FREM1: variants seen among roughly 807,000 people sequenced by gnomAD.
The protein encoded by FREM1 is FRAS1-related extracellular matrix protein 1.
A neutral mutation model predicts 210.1 loss-of-function variants in FREM1; 220 were observed. The ratio of observed to expected loss-of-function variants is 1.05; its 90% confidence interval spans 0.94 to 1.17. The LOEUF is 1.17. FREM1 is among the 50% of genes most tolerant of loss of function. The probability of loss-of-function intolerance (pLI) is 0.00; values close to 1 mark genes in which losing one functional copy is unlikely to be tolerated. For missense variants in FREM1, 3,454 were observed against 2,675.5 expected, an observed-to-expected ratio of 1.29 and a Z score of -6.42; for synonymous variants, 1,189 against 980.2, an observed-to-expected ratio of 1.21 and a Z score of -3.98.
chr9:14,864,403 T>C lies in FREM1; in HGVS notation c.235-500A>G, dbSNP rs561710331. On this transcript the variant is annotated intron_variant, in intron 2 of 36. Transcript: ENST00000380880. The stretch of plus-strand genomic sequence containing the variant: ...CGAATAGTATTCTCATATTCAAAGA[T>C]GAAGCCACTGACTATGGACACTACT... Among the ~76,000 whole-genome samples the C allele has an allele frequency of 6.6e-5, 10 of 152,292 alleles. No homozygotes were observed. In the South Asian group the frequency reaches 2.1e-3, roughly 32 times the overall value.
chr9:14,869,196 C>A lies in FREM1; in HGVS notation c.-219G>T. 2.1e-6 allele frequency: 1 copy of A among 465,564 alleles called. No homozygotes were observed. Among genetic ancestry groups the A allele is most frequent in the Non-Finnish European group, 3.8e-6 (1 of 261,806 alleles). The allele number at this position is 465,564 out of a possible 1,614,324, so 28.8% of individuals were successfully genotyped here. A position where few individuals can be genotyped will look rare whatever the true frequency, so the allele number is the denominator to read the frequency against. On this transcript the variant is annotated 5_prime_UTR_variant, in exon 2 of 37. Coordinates refer to ENST00000380880, the MANE Select transcript of FREM1 (RefSeq NM_001379081.2). ...CTTTTAATAAAACTCGCTGATCACTCCTGACAACGCCGGCAAGATTAATGG... is the reference window on the plus strand; with the variant it reads ...CTTTTAATAAAACTCGCTGATCACTACTGACAACGCCGGCAAGATTAATGG...
chr9:14,749,702 A>G (rs1472489981), intron 30 of FREM1, among the ~76,000 whole-genome samples: 2 of 151,974 alleles, frequency 1.3e-5, no homozygotes, highest in Non-Finnish European at 2.9e-5. Flanking sequence ...TTTCACATCT[A>G]TTTTTCTCCA....
At chr9:14,812,726 A>T in intron 16 of FREM1, 86 bp downstream of exon 16, 2 of 1,356,070 alleles carry the variant, frequency 1.5e-6, no homozygotes, top group Non-Finnish European at 2.0e-6. Flanking sequence ...AACCATTCTG[A>T]CTGTTTGATT....
intron 1 of FREM1, among the ~76,000 whole-genome samples, chr9:14,886,384 CAAAAAAAA>C (rs60702421): frequency 1.0e-4 from 6 of 59,808 alleles, no homozygotes; most frequent in South Asian, 1.9e-3. Context: ...GACTCCGACT[CAAAAAAAA>C]AAAAAAAAAA....
At chr9:14,738,819 G>A (rs556257206) in intron 36 of FREM1, among the ~76,000 whole-genome samples, 1 of 152,014 alleles carries the variant, frequency 6.6e-6, no homozygotes, top group South Asian at 2.1e-4. Context: ...AGACCAGCCT[G>A]GCCAACATGG....
intron 1 of FREM1, among the ~76,000 whole-genome samples, chr9:14,886,168 C>T (rs75353878): frequency 0.051 from 7,771 of 152,088 alleles, 364 homozygotes; most frequent in East Asian, 0.13. Flanking sequence ...GGGCGGATCA[C>T]GAGGTCAAGA....
Position 14,748,458 on chromosome 9 carries a change from G to A in FREM1, c.5739C>T (p.Gly1913=), listed in dbSNP as rs1006558315. The change falls in exon 31 of 37, where the codon GGC becomes GGT. Residue 1913 remains glycine (G), a synonymous_variant. Transcript: ENST00000380880. The stretch of plus-strand genomic sequence containing the variant: ...TTTGAGAAAGATCTGTAGAATCAAA[G>A]CCCCGCAGGGTGTCTCCCCTGATGA... ...LAVIRGDTLR[G]FDSTDLSQRK... is the part of the protein sequence containing the mutation. 1.9e-6 allele frequency: 3 copies of A among 1,613,732 alleles called. No individual in the cohort carries two copies. The highest frequency in any genetic ancestry group is 2.5e-6 in the Non-Finnish European group (3 of 1,179,760).
At chr9:14,778,184 CA>C (rs1563905868) in intron 24 of FREM1, among the ~76,000 whole-genome samples, 1 of 152,074 alleles carries the variant, frequency 6.6e-6, no homozygotes, top group African/African-American at 2.4e-5. Context: ...TGAGCAAAAT[CA>C]CATAATTTTC....
At chr9:14,738,520 G>A (rs1259405307) in intron 36 of FREM1, among the ~76,000 whole-genome samples, 1 of 152,118 alleles carries the variant, frequency 6.6e-6, no homozygotes, top group East Asian at 1.9e-4. Context: ...TGGATGTAGA[G>A]AAAACTTATC....
intron 1 of FREM1, among the ~76,000 whole-genome samples, chr9:14,881,753 G>C (rs888239950): frequency 6.6e-6 from 1 of 152,128 alleles, no homozygotes. Flanking sequence ...CCAGAACAAA[G>C]ACTATATTTC....
At position 14,842,249 on chromosome 9, in the gene FREM1, G is replaced by C. The variant is rs1391995323; in HGVS notation, c.1738+67C>G. On this transcript the variant is annotated intron_variant, in intron 9 of 36. Coordinates refer to ENST00000380880, the MANE Select transcript of FREM1 (RefSeq NM_001379081.2). ...GACACAATTTCAGCAAACCCAGAAGGATGCATAGAAGGTTCTCTATGGAAG... is the reference window on the plus strand; with the variant it reads ...GACACAATTTCAGCAAACCCAGAAGCATGCATAGAAGGTTCTCTATGGAAG... The C allele has an allele frequency of 4.2e-6, 4 of 961,566 alleles. No individual in the cohort carries two copies. In the African/African-American group the frequency reaches 6.5e-5, roughly 16 times the overall value. 59.6% of individuals were successfully genotyped at this position (961,566 alleles called of 1,614,324 possible). A position where few individuals can be genotyped will look rare whatever the true frequency, so the allele number is the denominator to read the frequency against.
At chr9:14,846,896 T>C (rs547806357) in intron 7 of FREM1, among the ~76,000 whole-genome samples, 72 of 152,194 alleles carry the variant, frequency 4.7e-4, no homozygotes, top group African/African-American at 1.5e-3. Flanking sequence ...GTCTCCAAAA[T>C]TGTAAAGCCC....
At position 14,765,431 on chromosome 9, in the gene FREM1, A is replaced by T. The variant is rs536859563; in HGVS notation, c.5204+4293T>A. On this transcript the variant is annotated intron_variant, in intron 27 of 36. Coordinates refer to ENST00000380880, the MANE Select transcript of FREM1 (RefSeq NM_001379081.2). ...GGCCTCGGTTTTCATTATCTTAAAA[A>T]TGAGGAGAATTACACTCATGTAAAA... 1.6e-4 allele frequency among the ~76,000 whole-genome samples: 24 copies of T among 152,356 alleles called. 1 individual carries two copies. In the South Asian group the frequency reaches 5.0e-3, roughly 32 times the overall value.
chr9:14,842,706 G>A lies in FREM1; in HGVS notation c.1394-46C>T. ...GGAGCAGATTGAGCAAGGGAGTGCAGAAGCAGCAGCTGTGGGGAAAGCATC... is the reference window on the plus strand; with the variant it reads ...GGAGCAGATTGAGCAAGGGAGTGCAAAAGCAGCAGCTGTGGGGAAAGCATC... On this transcript the variant is annotated intron_variant, in intron 8 of 36. Coordinates refer to ENST00000380880, the MANE Select transcript of FREM1 (RefSeq NM_001379081.2). 2.2e-6 allele frequency: 3 copies of A among 1,394,852 alleles called. No homozygotes were observed. In the South Asian group the frequency reaches 3.6e-5, roughly 17 times the overall value. The allele number at this position is 1,394,852 out of a possible 1,614,324, so 86.4% of individuals were successfully genotyped here. A position where few individuals can be genotyped will look rare whatever the true frequency, so the allele number is the denominator to read the frequency against.
chr9:14,815,047 A>T (rs537954744), intron 15 of FREM1, among the ~76,000 whole-genome samples: 2 of 152,374 alleles, frequency 1.3e-5, no homozygotes, highest in East Asian at 3.9e-4. Flanking sequence ...CTGCAATAAC[A>T]TACTGCTCTT....
chr9:14,886,844 T>C (rs1197522428), intron 1 of FREM1, among the ~76,000 whole-genome samples: 1 of 136,930 alleles, frequency 7.3e-6, no homozygotes, highest in Non-Finnish European at 1.5e-5. Flanking sequence ...TTGCACAGAG[T>C]GACACTGCAG....
At chr9:14,829,744 A>G (rs992592157) in intron 10 of FREM1, among the ~76,000 whole-genome samples, 2 of 152,236 alleles carry the variant, frequency 1.3e-5, no homozygotes, top group African/African-American at 4.8e-5. Context: ...ACTCTGTTGT[A>G]GCAGTACAAA....
rs1328072210 is a variant in FREM1 at position 14,819,369 on chromosome 9, T to A, written c.2411A>T (p.Asp804Val). 2 of 1,613,724 alleles carry A rather than the reference T, an allele frequency of 1.2e-6. No homozygotes were observed. The highest frequency in any genetic ancestry group is 2.2e-5 in the East Asian group (1 of 44,876). ...AATATTGTCCAGCTTGGTATCTGCATCAGAAATTAGAATGTGCTCTGTGCT... is the reference window on the plus strand; with the variant it reads ...AATATTGTCCAGCTTGGTATCTGCAACAGAAATTAGAATGTGCTCTGTGCT... Reference protein sequence around the residue: ...IISTEHILISDADTKLDNIDL... With the variant: ...IISTEHILISVADTKLDNIDL... Residue 804 changes from aspartate to valine, a missense_variant, in exon 14 of 37, where the codon GAT (aspartate) becomes GTT (valine). Coordinates refer to ENST00000380880, the MANE Select transcript of FREM1 (RefSeq NM_001379081.2).
chr9:14,744,536 T>G (rs189583372), intron 35 of FREM1, among the ~76,000 whole-genome samples: 45 of 152,224 alleles, frequency 3.0e-4, no homozygotes, highest in African/African-American at 9.9e-4. Flanking sequence ...TGTTCCATTT[T>G]TGATTTATCT....
Sources: allele counts gnomAD v4.1 joint callset (sites outside exome capture counted in the v4.1 genomes callset), GRCh38; gene constraint gnomAD v4.1.1; transcripts MANE v1.5; gene names NCBI Gene and HGNC (gene_info 2026-07-23, HGNC 2026-07-21).